The following TTC23L variants were observed in gnomAD, a reference collection of about 807,000 sequenced individuals.
TTC23L encodes the protein tetratricopeptide repeat protein 23-like.
TTC23L carries 42 observed loss-of-function variants against 48.1 expected under a neutral mutation model. That is an observed-to-expected ratio of 0.87 (90% CI 0.68 to 1.13). The LOEUF is 1.13. TTC23L is among the 50% of genes most tolerant of loss of function. The pLI is 0.00. For synonymous variants in TTC23L, 159 were observed against 157.2 expected (o/e 1.01, Z -0.09); for missense variants, 391 against 421.0 (o/e 0.93, Z 0.62).
downstream of TTC23L, among the ~76,000 whole-genome samples, chr5:34,900,402 G>A (rs1159659731): frequency 6.6e-6 from 1 of 151,890 alleles, no homozygotes. Flanking sequence ...CTGGGAGGCA[G>A]AGGAAGGCAG....
chr5:34,917,741 T>C, the TTC23L span, among the ~76,000 whole-genome samples: 5,166 of 152,154 alleles, frequency 0.034, 196 homozygotes, highest in African/African-American at 0.096. Context: ...AGTTTTGCAG[T>C]TAATATAAGA....
chr5:34,857,006 A>G (rs1284640262), intron 4 of TTC23L, among the ~76,000 whole-genome samples: 1 of 152,234 alleles, frequency 6.6e-6, no homozygotes, highest in Non-Finnish European at 1.5e-5. Context: ...GCCAGTTAGA[A>G]GAGAGGGTTT....
At chr5:34,839,653 G>T in intron 1 of TTC23L, 1 of 985,372 alleles carries the variant, frequency 1.0e-6, no homozygotes, top group Non-Finnish European at 1.2e-6. Flanking sequence ...TCTGGAGCCT[G>T]GGTCAGAAAG....
the TTC23L span, chr5:34,923,114 C>T: frequency 6.3e-7 from 1 of 1,598,634 alleles, no homozygotes; most frequent in Non-Finnish European, 8.6e-7. Flanking sequence ...AAGGAACTAA[C>T]ATACACTTTT....
intron 8 of TTC23L, among the ~76,000 whole-genome samples, chr5:34,876,200 ATCTT>A (rs1175544759): frequency 6.6e-6 from 1 of 152,214 alleles, no homozygotes; most frequent in Non-Finnish European, 1.5e-5. Flanking sequence ...CTAAGTTTCT[ATCTT>A]AGGAAGCTAG....
intron 9 of TTC23L, among the ~76,000 whole-genome samples, chr5:34,893,347 C>T (rs1762992773): frequency 6.6e-6 from 1 of 152,090 alleles, no homozygotes; most frequent in Admixed American, 6.6e-5. Context: ...GTTTGCAATA[C>T]CCACAATACA....
At chr5:34,917,203 C>G in the TTC23L span, among the ~76,000 whole-genome samples, 1 of 152,036 alleles carries the variant, frequency 6.6e-6, no homozygotes, top group East Asian at 1.9e-4. Context: ...AAAATAGAGC[C>G]AGATTGGATT....
the TTC23L span, chr5:34,922,165 T>C: frequency 3.9e-6 from 4 of 1,016,974 alleles, no homozygotes; most frequent in Admixed American, 2.1e-5. Context: ...ATAATTACTT[T>C]AGTTCTCATT....
chr5:34,922,121 A>G, the TTC23L span: 1 of 646,932 alleles, frequency 1.5e-6, no homozygotes, highest in African/African-American at 1.9e-5. Flanking sequence ...CTGGTTAGGT[A>G]TTTTTGAGAT....
chr5:34,915,070 C>A, the TTC23L span: 1 of 609,570 alleles, frequency 1.6e-6, no homozygotes, highest in Non-Finnish European at 2.9e-6. Flanking sequence ...GCTGACCAGG[C>A]CGAACCCCAC....
rs16869121 is a variant in TTC23L, at chr5:34,886,747, T to C, written c.1077+6439T>C. ...TTGTTAGATATGCTGAGGGAGAATA[T>C]GATACAAAAACTTTAGTTGAGTCCC... On this transcript the variant is annotated intron_variant, in intron 9 of 10. Transcript: ENST00000505624. Among the ~76,000 whole-genome samples, 34 of 152,312 alleles carry C rather than the reference T, an allele frequency of 2.2e-4. No homozygotes were observed. The East Asian group carries it at 6.0e-3, about 27-fold the overall frequency.
chr5:34,879,566 C>T (rs910457755), intron 8 of TTC23L, among the ~76,000 whole-genome samples: 2 of 152,040 alleles, frequency 1.3e-5, no homozygotes, highest in Admixed American at 6.6e-5. Context: ...TTGCAGTATA[C>T]CTGGGAGTTT....
chr5:34,859,840 C>CTTTT (rs10590697), intron 4 of TTC23L, among the ~76,000 whole-genome samples: 76 of 95,330 alleles, frequency 8.0e-4, no homozygotes, highest in African/African-American at 9.4e-4. Flanking sequence ...TTTTCTTCTT[C>CTTTT]TTTTTTTTTT....
At chr5:34,853,547 G>A (rs1272685825) in intron 4 of TTC23L, among the ~76,000 whole-genome samples, 1 of 151,966 alleles carries the variant, frequency 6.6e-6, no homozygotes. Context: ...AGAAAGAGAG[G>A]GGAAGAGAAT....
intron 4 of TTC23L, among the ~76,000 whole-genome samples, chr5:34,856,805 G>A (rs535070610): frequency 2.0e-5 from 3 of 152,326 alleles, no homozygotes; most frequent in East Asian, 1.9e-4. Context: ...AGTGAAATGC[G>A]GACTGAAAAA....
the TTC23L span, chr5:34,918,315 C>G: frequency 3.1e-6 from 3 of 961,234 alleles, no homozygotes; most frequent in African/African-American, 1.7e-5. Context: ...AAAACAAGAT[C>G]AGTTCAGTAT....
chr5:34,876,720 A>G (rs946267751), intron 8 of TTC23L, among the ~76,000 whole-genome samples: 5 of 152,190 alleles, frequency 3.3e-5, no homozygotes, highest in Admixed American at 6.5e-5. Flanking sequence ...TTTTAAGTCA[A>G]TCTATGAAGC....
At chr5:34,915,765 T>G in the TTC23L span, 2 of 1,603,388 alleles carry the variant, frequency 1.2e-6, no homozygotes, top group Non-Finnish European at 1.7e-6. Flanking sequence ...GGAAACGGCG[T>G]GGAGGCTTTG....
At chr5:34,862,146 A>G (rs1760712785) in intron 4 of TTC23L, among the ~76,000 whole-genome samples, 1 of 152,334 alleles carries the variant, frequency 6.6e-6, no homozygotes, top group South Asian at 2.1e-4. Context: ...ATCTTTAAAA[A>G]GAAAAGAAAA....
Sources: gnomAD v4.1 joint callset for allele counts (sites outside exome capture counted in the v4.1 genomes callset) on GRCh38, gnomAD v4.1.1 for gene constraint, MANE v1.5 for transcripts, NCBI Gene and HGNC (gene_info 2026-07-23, HGNC 2026-07-21) for gene names.